Variants in PCDHA8 observed in about 807,000 individuals in gnomAD.
The protein encoded by PCDHA8 is protocadherin alpha 8, also known as protocadherin alpha-8.
Under a neutral mutation model 61.8 loss-of-function variants are expected in PCDHA8, and 53 were observed. The observed-to-expected ratio is 0.86, with a 90% confidence interval of 0.69 to 1.08. The LOEUF (loss-of-function observed/expected upper bound fraction) is 1.08, where lower values mean the gene tolerates loss of function less well. Among genes scored for constraint, PCDHA8 ranks in the 50% least tolerant of loss-of-function variants. PCDHA8 has a pLI of 0.00. For synonymous variants in PCDHA8, 618 were observed against 556.6 expected (o/e 1.11, Z -1.55); for missense variants, 1,293 against 1,245.0 (o/e 1.04, Z -0.58).
chr5:140,968,132 A>G, intron 1 of PCDHA8: 1 of 1,614,082 alleles, frequency 6.2e-7, no homozygotes, highest in Non-Finnish European at 8.5e-7. Flanking sequence ...GCGTACACTG[A>G]AGGTTGAGAT....
intron 3 of PCDHA8, among the ~76,000 whole-genome samples, chr5:140,983,854 T>A (rs1554245766): frequency 6.6e-6 from 1 of 152,206 alleles, no homozygotes; most frequent in Non-Finnish European, 1.5e-5. Flanking sequence ...TTAAGTAACA[T>A]GCAGCTAAGG....
chr5:140,848,354 C>G (rs1427419086), intron 1 of PCDHA8: 1 of 1,023,830 alleles, frequency 9.8e-7, no homozygotes, highest in African/African-American at 1.6e-5. Flanking sequence ...AGCCCTTTTC[C>G]CATGGGAAAG....
In PCDHA8 at chr5:140,870,962, C is replaced by A. The variant is rs1489353896; in HGVS notation, c.2394+27247C>A. 7 of 1,613,532 alleles carry A rather than the reference C, an allele frequency of 4.3e-6. No individual in the cohort carries two copies. In the Admixed American group the frequency reaches 1.2e-4, roughly 27 times the overall value. On this transcript the variant is annotated intron_variant, in intron 1 of 3. Transcript: ENST00000531613. Reference sequence around the variant, plus strand: ...CCGGCGGCGGGCGGCTCGCGCATCCCGTTCCGCGTGGGGCTGTACACGGGC... The same window carrying A: ...CCGGCGGCGGGCGGCTCGCGCATCCAGTTCCGCGTGGGGCTGTACACGGGC...
intron 1 of PCDHA8, among the ~76,000 whole-genome samples, chr5:140,962,185 C>T (rs782495435): frequency 6.6e-5 from 10 of 152,126 alleles, no homozygotes; most frequent in Non-Finnish European, 1.3e-4. Flanking sequence ...ACTTATATCA[C>T]TTTTATGCTT....
At chr5:140,930,403 T>A (rs1337428261) in intron 1 of PCDHA8, 6 of 152,200 alleles carry the variant, frequency 3.9e-5, no homozygotes, top group African/African-American at 1.2e-4. Context: ...CTTTTTTTTT[T>A]TTGAGACAGG....
intron 1 of PCDHA8, among the ~76,000 whole-genome samples, chr5:140,899,002 G>T (rs1265936919): frequency 7.2e-4 from 110 of 151,880 alleles, no homozygotes; most frequent in African/African-American, 2.6e-3. Context: ...GTCTGTTATT[G>T]GTGTATAAGA....
chr5:140,878,125 A>T (rs1286133298), intron 1 of PCDHA8: 1 of 214,326 alleles, frequency 4.7e-6, no homozygotes, highest in Non-Finnish European at 9.0e-6. Flanking sequence ...ATATTAGATT[A>T]AAAAGTGGCC....
At chr5:140,889,733 A>T (rs192682337) in intron 1 of PCDHA8, among the ~76,000 whole-genome samples, 1 of 152,316 alleles carries the variant, frequency 6.6e-6, no homozygotes, top group Admixed American at 6.5e-5. Context: ...CTCACTGAGT[A>T]GCAGAGTCTA....
rs576802253 is a variant in PCDHA8 at position 140,888,837 on chromosome 5, C to T, written c.2394+45122C>T. ...GATCTGTGATCACATCACTCCACTG[C>T]AGCCTGGTGACAGAGTGAGACCATG... is the stretch of plus-strand genomic sequence containing the variant. On this transcript the variant is annotated intron_variant, in intron 1 of 3. Coordinates refer to ENST00000531613, the MANE Select transcript of PCDHA8 (RefSeq NM_018911.3). Among the ~76,000 whole-genome samples, 5 of 152,130 alleles carry T rather than the reference C, an allele frequency of 3.3e-5. No individual in the cohort carries two copies. In the South Asian group the frequency reaches 1.0e-3, roughly 32 times the overall value.
At chr5:140,997,911 C>T (rs2097790216) in intron 3 of PCDHA8, among the ~76,000 whole-genome samples, 1 of 152,120 alleles carries the variant, frequency 6.6e-6, no homozygotes, top group East Asian at 1.9e-4. Context: ...AGTAGAATTA[C>T]AGAATCATAG....
At chr5:140,882,300 C>T in intron 1 of PCDHA8, 2 of 1,613,722 alleles carry the variant, frequency 1.2e-6, no homozygotes, top group Non-Finnish European at 1.7e-6. Context: ...GGCCCAAGAC[C>T]GCGGCAACTA....
chr5:140,877,604 T>G (rs376081263), intron 1 of PCDHA8: 2 of 1,613,768 alleles, frequency 1.2e-6, no homozygotes, highest in African/African-American at 1.3e-5. Context: ...TCCAGCCTGC[T>G]GGTGCTCACG....
intron 3 of PCDHA8, among the ~76,000 whole-genome samples, chr5:140,995,791 T>C (rs547359105): frequency 1.3e-5 from 2 of 152,266 alleles, no homozygotes; most frequent in South Asian, 4.1e-4. Context: ...TTAAAATTTG[T>C]CTCATGTTAG....
At chr5:140,953,620 T>G (rs1207803220) in intron 1 of PCDHA8, among the ~76,000 whole-genome samples, 1 of 152,146 alleles carries the variant, frequency 6.6e-6, no homozygotes, top group Non-Finnish European at 1.5e-5. Context: ...CTTAGATATT[T>G]GCTTTATGTA....
intron 2 of PCDHA8, among the ~76,000 whole-genome samples, chr5:140,979,453 A>G (rs2096852067): frequency 6.6e-6 from 1 of 151,906 alleles, no homozygotes; most frequent in Admixed American, 6.6e-5. Flanking sequence ...TATTACCCTC[A>G]ATAATTGATT....
chr5:140,989,010 A>G (rs2097325577), intron 3 of PCDHA8: 1 of 152,226 alleles, frequency 6.6e-6, no homozygotes, highest in Non-Finnish European at 1.5e-5. Context: ...GAGACTTATT[A>G]TAGTTTCTTC....
intron 1 of PCDHA8, among the ~76,000 whole-genome samples, chr5:140,976,053 A>G (rs1174656934): frequency 2.6e-5 from 4 of 152,222 alleles, no homozygotes; most frequent in Non-Finnish European, 5.9e-5. Flanking sequence ...AAATTGTGAT[A>G]GTAATATATG....
chr5:140,918,925 T>C (rs2078925990), intron 1 of PCDHA8, among the ~76,000 whole-genome samples: 1 of 152,238 alleles, frequency 6.6e-6, no homozygotes, highest in Non-Finnish European at 1.5e-5. Context: ...ACACAGCATA[T>C]GGCATTTTGT....
intron 1 of PCDHA8, chr5:140,877,160 C>G: frequency 6.2e-7 from 1 of 1,613,814 alleles, no homozygotes; most frequent in Non-Finnish European, 8.5e-7. Flanking sequence ...GACAACGCGC[C>G]GGCACTGCTG....
Sources: gnomAD v4.1 joint callset for allele counts (sites outside exome capture counted in the v4.1 genomes callset) on GRCh38, gnomAD v4.1.1 for gene constraint, MANE v1.5 for transcripts, NCBI Gene and HGNC (gene_info 2026-07-23, HGNC 2026-07-21) for gene names.